KAZN: variants seen among roughly 807,000 people sequenced by gnomAD.
KAZN encodes kazrin, periplakin interacting protein.
A neutral mutation model predicts 87.4 loss-of-function variants in KAZN; 40 were observed. The observed-to-expected ratio is 0.46, with a 90% CI of 0.36 to 0.60. The LOEUF is 0.60. Among genes scored for constraint, KAZN ranks in the 20% least tolerant of loss-of-function variants. KAZN has a pLI of 0.00. For missense variants in KAZN, 898 were observed against 1,073.9 expected (o/e 0.84, Z 2.29); for synonymous variants, 466 against 458.3 (o/e 1.02, Z -0.22).
chr1:14,099,042 C>T (rs1644190100), intron 1 of KAZN, among the ~76,000 whole-genome samples: 1 of 152,108 alleles, frequency 6.6e-6, no homozygotes, highest in Non-Finnish European at 1.5e-5. Context: ...AAGGAGGCAG[C>T]CTCCTATCTT....
intron 1 of KAZN, among the ~76,000 whole-genome samples, chr1:14,958,014 A>G (rs1663354656): frequency 6.6e-6 from 1 of 152,168 alleles, no homozygotes; most frequent in African/African-American, 2.4e-5. Flanking sequence ...GGATGAGGGA[A>G]CAGGGGCTGG....
Position 14,423,238 on chromosome 1 carries a change from C to A in KAZN, c.250-175745C>A, listed in dbSNP as rs74659157. Among the ~76,000 whole-genome samples, 870 of 152,300 alleles carry A rather than the reference C, an allele frequency of 5.7e-3. 12 individuals carry two copies. Among genetic ancestry groups the A allele is most frequent in the African/African-American group, 0.02 (813 of 41,564 alleles). On this transcript the variant is annotated intron_variant, in intron 2 of 16. Coordinates refer to the KAZN transcript ENST00000636203. The stretch of plus-strand genomic sequence containing the variant: ...CTTGGGTTTCATCCTAGCTTGACCA[C>A]AAACCCTAGGCTGAAAATTGGTCAG...
At chr1:14,924,902 C>A (rs1015652250) in intron 1 of KAZN, among the ~76,000 whole-genome samples, 1 of 152,182 alleles carries the variant, frequency 6.6e-6, no homozygotes, top group Admixed American at 6.5e-5. Context: ...AGGGGCCAGC[C>A]CTGCGCGAAG....
At chr1:14,724,113 G>A (rs1643261531) in intron 1 of KAZN, among the ~76,000 whole-genome samples, 1 of 152,120 alleles carries the variant, frequency 6.6e-6, no homozygotes, top group Non-Finnish European at 1.5e-5. Context: ...AAGCACACAG[G>A]GCAAGATGCT....
intron 2 of KAZN, among the ~76,000 whole-genome samples, chr1:14,389,906 T>C (rs1662271302): frequency 6.6e-6 from 1 of 152,188 alleles, no homozygotes; most frequent in African/African-American, 2.4e-5. Context: ...AGGTGATGGG[T>C]ACCCCATTTA....
chr1:14,940,130 G>A (rs978636972), intron 1 of KAZN, among the ~76,000 whole-genome samples: 2 of 152,186 alleles, frequency 1.3e-5, no homozygotes, highest in Non-Finnish European at 1.5e-5. Context: ...AAGAGTGGGC[G>A]GGGTACTTGG....
At chr1:14,891,885 T>A (rs1654756703) in intron 1 of KAZN, among the ~76,000 whole-genome samples, 1 of 152,112 alleles carries the variant, frequency 6.6e-6, no homozygotes, top group South Asian at 2.1e-4. Flanking sequence ...GGGGGTGGGA[T>A]GGGGCAGTAA....
At chr1:15,006,452 C>A (rs899974144) in intron 2 of KAZN, among the ~76,000 whole-genome samples, 2 of 152,176 alleles carry the variant, frequency 1.3e-5, no homozygotes, top group South Asian at 2.1e-4. Flanking sequence ...CTCCTGACAG[C>A]GAGCCGGGAA....
intron 1 of KAZN, among the ~76,000 whole-genome samples, chr1:14,916,065 G>A (rs980413735): frequency 6.6e-6 from 1 of 151,828 alleles, no homozygotes; most frequent in African/African-American, 2.4e-5. Context: ...GTTGTGGGGA[G>A]GATTAAATTA....
chr1:14,022,894 G>A (rs1640910827), intron 1 of KAZN, among the ~76,000 whole-genome samples: 1 of 152,176 alleles, frequency 6.6e-6, no homozygotes, highest in Admixed American at 6.6e-5. Flanking sequence ...TTTCTACCAT[G>A]AAGTGTCTCC....
chr1:14,757,097 G>T (rs1249247392), intron 1 of KAZN, among the ~76,000 whole-genome samples: 1 of 152,226 alleles, frequency 6.6e-6, no homozygotes, highest in Non-Finnish European at 1.5e-5. Context: ...GCAGAGAAAG[G>T]ATTTCAAGGC....
rs780410306 is a variant in KAZN at position 15,065,027 on chromosome 1, CT to C, written c.1099-581del. On this transcript the variant is annotated intron_variant, in intron 7 of 14. Coordinates refer to ENST00000376030, the MANE Select transcript of KAZN (RefSeq NM_201628.3). The stretch of plus-strand genomic sequence containing the variant: ...CACCGTCCTTGGGGTCTTTTTCTTT[CT>C]TTTTTTTTTTTTTTTTTTTTTGAGA... Among the ~76,000 whole-genome samples, 729 of 102,726 alleles carry C rather than the reference CT, an allele frequency of 7.1e-3. 1 individual carries two copies. The highest frequency in any genetic ancestry group is 0.025 in the African/African-American group (655 of 26,486). 67.4% of individuals were successfully genotyped at this position (102,726 alleles called of 152,430 possible).
chr1:14,808,020 C>A, intron 1 of KAZN, among the ~76,000 whole-genome samples: 1 of 152,112 alleles, frequency 6.6e-6, no homozygotes, highest in Non-Finnish European at 1.5e-5. Context: ...GTGCTCAGTT[C>A]TTTAGCCTAT....
intron 1 of KAZN, among the ~76,000 whole-genome samples, chr1:14,688,416 C>T (rs1641084549): frequency 6.6e-6 from 1 of 152,340 alleles, no homozygotes; most frequent in South Asian, 2.1e-4. Flanking sequence ...GGGTCTGAAA[C>T]TGTAAAATGA....
chr1:14,622,689 CA>C (rs3087165), intron 1 of KAZN, among the ~76,000 whole-genome samples: 1,389 of 113,364 alleles, frequency 0.012, 25 homozygotes, highest in African/African-American at 0.021. Context: ...GACTCCATCT[CA>C]AAAAAAAAAA....
intron 1 of KAZN, among the ~76,000 whole-genome samples, chr1:13,968,803 C>T (rs1557752984): frequency 1.5e-5 from 2 of 130,842 alleles, no homozygotes; most frequent in African/African-American, 2.9e-5. Flanking sequence ...TCCATTTGAA[C>T]ATCTACTCTA....
chr1:14,366,316 G>T (rs2100998534), intron 2 of KAZN, among the ~76,000 whole-genome samples: 1 of 152,340 alleles, frequency 6.6e-6, no homozygotes, highest in East Asian at 1.9e-4. Flanking sequence ...GAAGCTGTTG[G>T]CTATTCAGGG....
chr1:14,300,539 T>C, intron 2 of KAZN, among the ~76,000 whole-genome samples: 1 of 152,176 alleles, frequency 6.6e-6, no homozygotes, highest in East Asian at 1.9e-4. Context: ...CTCAGCCGGA[T>C]TTTAGGCAGT....
At chr1:14,978,998 G>A (rs1372084525) in intron 2 of KAZN, among the ~76,000 whole-genome samples, 6 of 151,816 alleles carry the variant, frequency 4.0e-5, no homozygotes, top group Admixed American at 1.3e-4. Context: ...TCCATCTCCC[G>A]GGTTCAAGAG....
Sources: gnomAD v4.1 joint callset for allele counts (sites outside exome capture counted in the v4.1 genomes callset) on GRCh38, gnomAD v4.1.1 for gene constraint, MANE v1.5 for transcripts, NCBI Gene and HGNC (gene_info 2026-07-23, HGNC 2026-07-21) for gene names.